Variants in CSMD2 observed in about 807,000 individuals in gnomAD.
CSMD2 encodes CUB and Sushi multiple domains 2.
A neutral mutation model predicts 398.5 loss-of-function variants in CSMD2; 130 were observed. The ratio of observed to expected loss-of-function variants is 0.33; its 90% confidence interval spans 0.28 to 0.38. CSMD2 has a LOEUF of 0.38. Ranked by LOEUF, CSMD2 falls within the 10% of genes least tolerant of loss-of-function variation. CSMD2 has a pLI of 1.00. For synonymous variants in CSMD2, 1,828 were observed against 1,908.5 expected (o/e 0.96, Z 1.10); for missense variants, 3,829 against 4,764.9 (o/e 0.80, Z 5.78).
intron 9 of CSMD2, among the ~76,000 whole-genome samples, chr1:33,816,941 T>C (rs1383621204): frequency 6.6e-6 from 1 of 152,204 alleles, no homozygotes; most frequent in East Asian, 1.9e-4. Context: ...AAAGAAAAAA[T>C]AATACCATTA....
At chr1:33,687,710 A>T (rs1036357413) in intron 25 of CSMD2, among the ~76,000 whole-genome samples, 2 of 152,332 alleles carry the variant, frequency 1.3e-5, no homozygotes, top group South Asian at 2.1e-4. Context: ...AAAAGTAAAA[A>T]AAGGCACAAT....
chr1:34,036,878 A>G (rs937062270), intron 2 of CSMD2, among the ~76,000 whole-genome samples: 3 of 152,222 alleles, frequency 2.0e-5, no homozygotes, highest in African/African-American at 7.2e-5. Flanking sequence ...TTCCTAGCAT[A>G]AGAATATGTC....
At chr1:33,550,828 G>T (rs1218996161) in intron 55 of CSMD2, among the ~76,000 whole-genome samples, 1 of 152,160 alleles carries the variant, frequency 6.6e-6, no homozygotes, top group African/African-American at 2.4e-5. Flanking sequence ...GTCCCTCTCA[G>T]TATGCAAGTT....
At chr1:33,553,295 T>C (rs1245593150) in intron 55 of CSMD2, among the ~76,000 whole-genome samples, 1 of 152,228 alleles carries the variant, frequency 6.6e-6, no homozygotes, top group Non-Finnish European at 1.5e-5. Flanking sequence ...ATTTCAAACG[T>C]TTTCATTATT....
intron 3 of CSMD2, among the ~76,000 whole-genome samples, chr1:33,960,491 G>A (rs555397235): frequency 3.9e-5 from 6 of 152,298 alleles, no homozygotes; most frequent in East Asian, 1.9e-4. Flanking sequence ...GAGCAGTCTG[G>A]GCCAGCCATC....
chr1:33,538,305 C>T (rs1011093043), intron 60 of CSMD2, among the ~76,000 whole-genome samples: 2 of 152,156 alleles, frequency 1.3e-5, no homozygotes, highest in African/African-American at 4.8e-5. Flanking sequence ...ATGTCTTTCC[C>T]CAAAGGGTAC....
At chr1:33,716,714 GTTC>G (rs1339558439) in intron 19 of CSMD2, among the ~76,000 whole-genome samples, 4 of 152,174 alleles carry the variant, frequency 2.6e-5, no homozygotes, top group South Asian at 2.1e-4. Flanking sequence ...GAATTTTACA[GTTC>G]TTCTTTTACA....
intron 21 of CSMD2, among the ~76,000 whole-genome samples, chr1:33,713,390 G>T (rs962558599): frequency 6.6e-6 from 1 of 152,176 alleles, no homozygotes; most frequent in African/African-American, 2.4e-5. Context: ...ATATTTTTAT[G>T]GGGTTTTATA....
intron 10 of CSMD2, among the ~76,000 whole-genome samples, chr1:33,800,911 G>A (rs1033498341): frequency 6.6e-6 from 1 of 152,200 alleles, no homozygotes; most frequent in East Asian, 1.9e-4. Context: ...CTGATCGCAG[G>A]TGTCTTGCAC....
chr1:34,162,576 G>A (rs1356569745), intron 1 of CSMD2, among the ~76,000 whole-genome samples: 1 of 152,048 alleles, frequency 6.6e-6, no homozygotes, highest in Non-Finnish European at 1.5e-5. Context: ...GAAATGTACT[G>A]GGCTGGGCGC....
chr1:33,742,586 C>CCT (rs1557824982), intron 14 of CSMD2, among the ~76,000 whole-genome samples: 1 of 141,506 alleles, frequency 7.1e-6, no homozygotes, highest in South Asian at 2.5e-4. Flanking sequence ...TGCCCCCCCC[C>CCT]CCCCAACCCC....
Position 33,709,211 on chromosome 1 carries a change from G to C in CSMD2, c.3454C>G (p.Pro1152Ala), listed in dbSNP as rs1306701096. The change falls in exon 22 of 71, where the codon CCC becomes GCC. Residue 1152 changes from proline to alanine, a missense_variant. By Grantham distance (27) the Pro-to-Ala change is conservative. Around this residue, in one of 5 missense-constraint regions of CSMD2, gnomAD observed 2,001 missense variants for 2,567.1 expected, o/e 0.78. Transcript: ENST00000373381. The part of the protein sequence containing the change: ...VTGTQGTLLS[P>A]NFPVNYNNNH... The stretch of plus-strand genomic sequence containing the variant: ...TTATTGTAGTTCACAGGAAAGTTGG[G>C]GGACAGCAAAGTACCCTGAGTGCCT... The C allele has an allele frequency of 1.2e-6, 2 of 1,614,008 alleles. No individual in the cohort carries two copies. Among genetic ancestry groups the C allele is most frequent in the Non-Finnish European group, 1.7e-6 (2 of 1,179,962 alleles).
intron 7 of CSMD2, among the ~76,000 whole-genome samples, chr1:33,824,749 G>A (rs998056214): frequency 4.6e-5 from 7 of 152,096 alleles, no homozygotes; most frequent in Admixed American, 3.9e-4. Context: ...GGAGCAGAAG[G>A]ATGAGAAGAA....
intron 2 of CSMD2, among the ~76,000 whole-genome samples, chr1:34,085,923 G>A (rs1352081745): frequency 6.6e-6 from 1 of 151,014 alleles, no homozygotes; most frequent in African/African-American, 2.4e-5. Context: ...GAGAATGTGT[G>A]TATGGGGTTG....
rs1483717600 is a variant in CSMD2 at position 33,519,482 on chromosome 1, G to A, written c.*36C>T. Reference sequence around the variant, plus strand: ...CTGCTCACCGGCTGCTGGAGGCGGGGCTCTCGGTGGCGGTGGTGGCGGCCA... The same window carrying A: ...CTGCTCACCGGCTGCTGGAGGCGGGACTCTCGGTGGCGGTGGTGGCGGCCA... On this transcript the variant is annotated 3_prime_UTR_variant, in exon 70 of 71. Coordinates refer to ENST00000373381, the MANE Select transcript of CSMD2 (RefSeq NM_001281956.2). This position sits in a 1 kb window ranked among gnomAD's most constrained non-coding sequence, Gnocchi z 5.6. 1 of 1,603,590 alleles carries A rather than the reference G, an allele frequency of 6.2e-7. No individual in the cohort carries two copies.
chr1:33,713,698 C>A (rs1368965891), intron 21 of CSMD2, among the ~76,000 whole-genome samples: 2 of 152,140 alleles, frequency 1.3e-5, no homozygotes, highest in African/African-American at 4.8e-5. Context: ...GTTCTCCCTG[C>A]CGCTTGCTCC....
intron 51 of CSMD2, among the ~76,000 whole-genome samples, 158 bp downstream of exon 51, chr1:33,571,374 T>C (rs1338880283): frequency 6.6e-6 from 1 of 152,190 alleles, no homozygotes; most frequent in Non-Finnish European, 1.5e-5. Flanking sequence ...GTAGGCATTT[T>C]CCCAGCTCCT....
At chr1:34,139,895 C>T (rs1174791876) in intron 1 of CSMD2, among the ~76,000 whole-genome samples, 1 of 152,168 alleles carries the variant, frequency 6.6e-6, no homozygotes, top group African/African-American at 2.4e-5. Flanking sequence ...CCCTGTCCTG[C>T]CAGTCTTGTG....
intron 39 of CSMD2, among the ~76,000 whole-genome samples, chr1:33,615,881 C>T (rs1289538975): frequency 6.6e-6 from 1 of 152,200 alleles, no homozygotes; most frequent in African/African-American, 2.4e-5. Context: ...CAAGGTCAGC[C>T]TTGAGGGGCA....
Sources: gnomAD v4.1 joint callset for allele counts (sites outside exome capture counted in the v4.1 genomes callset) on GRCh38, gnomAD v4.1.1 for gene constraint, gnomAD v4.1.1 regional missense constraint, Gnocchi (gnomAD v3.1) non-coding constraint, MANE v1.5 for transcripts, NCBI Gene and HGNC (gene_info 2026-07-23, HGNC 2026-07-21) for gene names.